The following NCK2 variants were observed in gnomAD, a reference collection of about 807,000 sequenced individuals.
NCK2 encodes the protein cytoplasmic protein NCK2.
NCK2 carries 16 observed loss-of-function variants against 33.9 expected under a neutral mutation model. The ratio of observed to expected loss-of-function variants is 0.47; its 90% CI spans 0.32 to 0.72. The LOEUF is 0.72. Ranked by LOEUF, NCK2 falls within the 30% of genes least tolerant of loss-of-function variation. NCK2 has a pLI of 0.03. For synonymous variants in NCK2, 273 were observed against 239.9 expected, an observed-to-expected ratio of 1.14 and a Z score of -1.27; for missense variants, 418 against 537.3, an observed-to-expected ratio of 0.78 and a Z score of 2.19.
intron 1 of NCK2, among the ~76,000 whole-genome samples, chr2:105,789,444 C>T (rs779967001): frequency 3.3e-5 from 5 of 152,202 alleles, no homozygotes; most frequent in Non-Finnish European, 7.3e-5. Context: ...CCGCCTCGGC[C>T]TCCCAAGGTG....
intron 2 of NCK2, among the ~76,000 whole-genome samples, chr2:105,853,258 A>G (rs1411757517): frequency 6.6e-6 from 1 of 152,200 alleles, no homozygotes; most frequent in Non-Finnish European, 1.5e-5. Context: ...TCTTCTACCT[A>G]AGAAGTAGAG....
intron 1 of NCK2, among the ~76,000 whole-genome samples, chr2:105,747,176 C>T (rs1689314238): frequency 1.3e-5 from 2 of 152,222 alleles, no homozygotes; most frequent in South Asian, 4.1e-4. Context: ...TTCATCCTTG[C>T]TCTGTTTGAC....
At chr2:105,786,078 T>C (rs1302645294) in intron 1 of NCK2, among the ~76,000 whole-genome samples, 1 of 152,230 alleles carries the variant, frequency 6.6e-6, no homozygotes, top group Non-Finnish European at 1.5e-5. Flanking sequence ...TCCCTTCCAC[T>C]GCACATCTCT....
chr2:105,787,454 C>G (rs6543338), intron 1 of NCK2, among the ~76,000 whole-genome samples: 74,835 of 151,978 alleles, frequency 0.49, 19,442 homozygotes, highest in African/African-American at 0.66. Flanking sequence ...GCAGAGAGCT[C>G]TCTCTGCCAC....
At chr2:105,868,642 A>G (rs374108600) in intron 3 of NCK2, among the ~76,000 whole-genome samples, 1 of 152,354 alleles carries the variant, frequency 6.6e-6, no homozygotes, top group South Asian at 2.1e-4. Context: ...AACTTCATTC[A>G]GTGGCGAGAA....
At chr2:105,874,679 A>G (rs1177825747) in intron 3 of NCK2, among the ~76,000 whole-genome samples, 2 of 152,208 alleles carry the variant, frequency 1.3e-5, no homozygotes, top group African/African-American at 4.8e-5. Context: ...CCCGAACTCC[A>G]GCTGGAAGAT....
At chr2:105,860,871 G>A (rs570242283) in intron 3 of NCK2, among the ~76,000 whole-genome samples, 18 of 150,122 alleles carry the variant, frequency 1.2e-4, no homozygotes, top group Middle Eastern at 3.4e-3. Flanking sequence ...TGGGGCACAC[G>A]AGATGGGGAA....
intron 1 of NCK2, among the ~76,000 whole-genome samples, chr2:105,749,471 G>A (rs1182248847): frequency 1.3e-5 from 2 of 152,136 alleles, no homozygotes; most frequent in East Asian, 1.9e-4. Flanking sequence ...TTTAATAGTC[G>A]AATAACATGG....
At chr2:105,867,367 A>C (rs1386696530) in intron 3 of NCK2, among the ~76,000 whole-genome samples, 1 of 152,230 alleles carries the variant, frequency 6.6e-6, no homozygotes, top group Non-Finnish European at 1.5e-5. Context: ...GATTGTTCAT[A>C]ATAGGAAGGG....
intron 1 of NCK2, among the ~76,000 whole-genome samples, chr2:105,813,619 AG>A (rs1335255144): frequency 1.3e-5 from 2 of 152,186 alleles, no homozygotes; most frequent in Non-Finnish European, 2.9e-5. Context: ...GACTGCTTGC[AG>A]GGGGGCATCT....
intron 1 of NCK2, among the ~76,000 whole-genome samples, chr2:105,776,770 C>A (rs1233819314): frequency 6.6e-6 from 1 of 152,068 alleles, no homozygotes. Flanking sequence ...CTTTAGCAGT[C>A]GGACCACACG....
chr2:105,881,342 C>T lies in NCK2; in HGVS notation c.241C>T (p.Arg81Cys), dbSNP rs1468163686. The T allele has an allele frequency of 5.0e-6, 8 of 1,597,644 alleles. No homozygotes were observed. The highest frequency in any genetic ancestry group is 6.8e-6 in the Non-Finnish European group (8 of 1,175,280). The change falls in exon 4 of 5, where the codon CGC becomes TGC. Residue 81 changes from arginine to cysteine, a missense_variant. Transcript: ENST00000233154. ...LKDTLGLGKT[R>C]RKTSARDASP... The stretch of plus-strand genomic sequence containing the variant: ...TGTCTCCACAGGCCTCGGCAAGACG[C>T]GCAGGAAGACCAGCGCGCGGGATGC...
chr2:105,770,776 A>G (rs1690109790), intron 1 of NCK2, among the ~76,000 whole-genome samples: 1 of 151,788 alleles, frequency 6.6e-6, no homozygotes, highest in Non-Finnish European at 1.5e-5. Context: ...CTGAAAATGT[A>G]TTTCTACCCC....
intron 2 of NCK2, among the ~76,000 whole-genome samples, chr2:105,835,248 T>C (rs891655170): frequency 3.3e-5 from 5 of 151,144 alleles, no homozygotes; most frequent in African/African-American, 1.2e-4. Context: ...GCATTCCTCA[T>C]AGGGCCAGTC....
chr2:105,834,792 T>C (rs1676326735), intron 2 of NCK2, among the ~76,000 whole-genome samples: 1 of 152,140 alleles, frequency 6.6e-6, no homozygotes, highest in South Asian at 2.1e-4. Flanking sequence ...TGCTTCAGCC[T>C]CCCGGGTAGC....
Position 105,816,545 on chromosome 2 carries a change from T to A in NCK2, c.-85T>A, listed in dbSNP as rs529459627. On this transcript the variant is annotated 5_prime_UTR_variant, in exon 2 of 5. Coordinates refer to ENST00000233154, the MANE Select transcript of NCK2 (RefSeq NM_003581.5). ...CAGCTTTGTAACTTCAGAGGTGTAA[T>A]TAGCTGAAAACATCATCGTTTTGAA... is the stretch of plus-strand genomic sequence containing the variant. 2.6e-5 allele frequency: 4 copies of A among 152,370 alleles called. No individual in the cohort carries two copies. The East Asian group carries it at 7.7e-4, about 29-fold the overall frequency. The allele number at this position is 152,370 out of a possible 1,614,324, so 9.4% of individuals were successfully genotyped here.
At chr2:105,789,525 C>G (rs1690802005) in intron 1 of NCK2, among the ~76,000 whole-genome samples, 1 of 152,208 alleles carries the variant, frequency 6.6e-6, no homozygotes, top group Non-Finnish European at 1.5e-5. Flanking sequence ...CATTAGCCTT[C>G]TTTTGTTACA....
chr2:105,832,873 C>T (rs575964489), intron 2 of NCK2, among the ~76,000 whole-genome samples: 55 of 146,930 alleles, frequency 3.7e-4, no homozygotes, highest in Non-Finnish European at 5.6e-4. Flanking sequence ...TGTTTCGTTT[C>T]GTTTTTGTTT....
Position 105,806,147 on chromosome 2 carries a change from T to C in NCK2, c.-200-10283T>C, listed in dbSNP as rs1399249397. ...TCAGATTTTGGAGCAATTTGTATTT[T>C]GTATTTTTAGATTAGGGATGCTCAG... On this transcript the variant is annotated intron_variant, in intron 1 of 4. Coordinates refer to ENST00000233154, the MANE Select transcript of NCK2 (RefSeq NM_003581.5). Among the ~76,000 whole-genome samples the C allele has an allele frequency of 2.0e-5, 3 of 152,278 alleles. No individual in the cohort carries two copies. In the East Asian group the frequency reaches 5.8e-4, roughly 29 times the overall value.
Sources: gnomAD v4.1 joint callset for allele counts (sites outside exome capture counted in the v4.1 genomes callset) on GRCh38, gnomAD v4.1.1 for gene constraint, MANE v1.5 for transcripts, NCBI Gene and HGNC (gene_info 2026-07-23, HGNC 2026-07-21) for gene names.